DOP1A: variants seen among roughly 807,000 people sequenced by gnomAD.
DOP1A encodes DOP1 leucine zipper like protein A.
DOP1A carries 90 observed loss-of-function variants against 267.6 expected under a neutral mutation model. The ratio of observed to expected loss-of-function variants is 0.34; its 90% CI spans 0.28 to 0.40. The LOEUF is 0.40. DOP1A is among the 10% of genes least tolerant of loss of function. The pLI, the probability that DOP1A is intolerant of heterozygous loss-of-function variation, is 1.00. For missense variants in DOP1A, 2,437 were observed against 2,900.4 expected, an observed-to-expected ratio of 0.84 and a Z score of 3.67; for synonymous variants, 932 against 999.1, an observed-to-expected ratio of 0.93 and a Z score of 1.27.
rs766918613 is a variant in DOP1A at position 83,164,665 on chromosome 6, G to A, written c.7092+1746G>A. On this transcript the variant is annotated intron_variant, in intron 38 of 38. Transcript: ENST00000349129. Reference sequence around the variant, plus strand: ...TCTCCTCTTTCCTTCCACAGGACAAGGAGGAGGACTTTAAGACAGTGATTT... The same window carrying A: ...TCTCCTCTTTCCTTCCACAGGACAAAGAGGAGGACTTTAAGACAGTGATTT... The A allele has an allele frequency of 8.2e-6, 13 of 1,577,772 alleles. No homozygotes were observed. The South Asian group carries it at 1.3e-4, about 16-fold the overall frequency.
intron 25 of DOP1A, among the ~76,000 whole-genome samples, chr6:83,146,691 A>G (rs1459307598): frequency 6.6e-6 from 1 of 152,236 alleles, no homozygotes; most frequent in Non-Finnish European, 1.5e-5. Context: ...GTCAGTGGTC[A>G]TCAATATCAT....
At chr6:83,122,662 C>T (rs1776548068) in intron 11 of DOP1A, among the ~76,000 whole-genome samples, 2 of 151,728 alleles carry the variant, frequency 1.3e-5, no homozygotes, top group South Asian at 2.1e-4. Flanking sequence ...TGATGTTTGA[C>T]AAAAATTCAA....
chr6:83,070,838 C>A (rs1215408877), intron 1 of DOP1A, among the ~76,000 whole-genome samples: 1 of 152,098 alleles, frequency 6.6e-6, no homozygotes, highest in African/African-American at 2.4e-5. Flanking sequence ...TCCTCAACTT[C>A]AGTCTTTGTG....
intron 38 of DOP1A, chr6:83,166,147 TTTTA>T (rs1013925689): frequency 6.4e-6 from 3 of 467,580 alleles, no homozygotes; most frequent in African/African-American, 3.9e-5. Flanking sequence ...CAACGAATTT[TTTTA>T]TTTTTCACTC....
Position 83,152,136 on chromosome 6 carries a change from T to A in DOP1A, c.6049+109T>A, listed in dbSNP as rs918601263. On this transcript the variant is annotated intron_variant, in intron 29 of 38. Coordinates refer to ENST00000349129, the MANE Select transcript of DOP1A (RefSeq NM_015018.4). ...CCACAAATTTATCCCTTTTCTCATG[T>A]CTAACAAGTAACTTTTTTTCAGTGG... 3 of 1,298,176 alleles carry A rather than the reference T, an allele frequency of 2.3e-6. No individual in the cohort carries two copies. In the Admixed American group the frequency reaches 7.4e-5, roughly 32 times the overall value. The allele number at this position is 1,298,176 out of a possible 1,614,324, so 80.4% of individuals were successfully genotyped here. A position where few individuals can be genotyped will look rare whatever the true frequency, so the allele number is the denominator to read the frequency against.
Position 83,130,401 on chromosome 6 carries a change from A to C in DOP1A, c.2616+4A>C. ...TGAGAAGACTGAATTTTTCAAGGTA[A>C]ATTCTAAGAAATGCATATATGACTA... On this transcript the variant is annotated splice_donor_region_variant and intron_variant, in intron 17 of 38. Coordinates refer to ENST00000349129, the MANE Select transcript of DOP1A (RefSeq NM_015018.4). 6.2e-7 allele frequency: 1 copy of C among 1,608,644 alleles called. No individual in the cohort carries two copies. The highest frequency in any genetic ancestry group is 8.5e-7 in the Non-Finnish European group (1 of 1,177,496).
rs1250946201 is a variant in DOP1A at position 83,138,487 on chromosome 6, A to G, written c.4445A>G (p.Asn1482Ser). The G allele has an allele frequency of 1.2e-5, 20 of 1,613,296 alleles. No homozygotes were observed. The highest frequency in any genetic ancestry group is 4.0e-5 in the African/African-American group (3 of 74,918). Residue 1482 changes from asparagine to serine, a missense_variant, in exon 21 of 39, where the codon AAT becomes AGT. Physicochemically the swap from Asn to Ser is conservative, Grantham distance 46 (BLOSUM62 1). Transcript: ENST00000349129. ...GTTACTGCACAAGATTTAATAGGCAATCGAAACATGCAAATGATGAGCATA... is the reference window on the plus strand; with the variant it reads ...GTTACTGCACAAGATTTAATAGGCAGTCGAAACATGCAAATGATGAGCATA... ...VKVTAQDLIG[N>S]RNMQMMSIEI...
At position 83,118,198 on chromosome 6, in the gene DOP1A, CTTAAAA is replaced by C. The variant is rs1775776915; in HGVS notation, c.781-685_781-680del. 2.0e-5 allele frequency among the ~76,000 whole-genome samples: 3 copies of C among 152,184 alleles called. No individual in the cohort carries two copies. The South Asian group carries it at 6.2e-4, about 32-fold the overall frequency. On this transcript the variant is annotated intron_variant, in intron 7 of 38. Coordinates refer to ENST00000349129, the MANE Select transcript of DOP1A (RefSeq NM_015018.4). ...TGTAAAGTGATTATCTGGCAGTATT[CTTAAAA>C]TTAATAGCAAGTTAGTTGCTTTTCT...
chr6:83,165,308 G>A (rs1353121464), intron 38 of DOP1A: 1 of 152,430 alleles, frequency 6.6e-6, no homozygotes, highest in African/African-American at 2.4e-5. Context: ...TAATTGCTAG[G>A]AAGCAAACTT....
intron 4 of DOP1A, among the ~76,000 whole-genome samples, chr6:83,107,584 T>C (rs1426131600): frequency 6.6e-6 from 1 of 152,212 alleles, no homozygotes; most frequent in South Asian, 2.1e-4. Flanking sequence ...TTGGAAGAGA[T>C]AGACATTAAG....
rs562415168 is a variant in DOP1A at position 83,162,055 on chromosome 6, A to G, written c.6963-735A>G. Among the ~76,000 whole-genome samples, 5 of 152,188 alleles carry G rather than the reference A, an allele frequency of 3.3e-5. No individual in the cohort carries two copies. The East Asian group carries it at 7.7e-4, about 23-fold the overall frequency. On this transcript the variant is annotated intron_variant, in intron 37 of 38. Coordinates refer to ENST00000349129, the MANE Select transcript of DOP1A (RefSeq NM_015018.4). Reference sequence around the variant, plus strand: ...TATCAAAAATATATATCCTACATGTATAATTAAAACAGGCAGCAATCATGT... The same window carrying G: ...TATCAAAAATATATATCCTACATGTGTAATTAAAACAGGCAGCAATCATGT...
chr6:83,113,450 A>AT lies in DOP1A; in HGVS notation c.780+29_780+30insT, dbSNP rs774352483. On this transcript the variant is annotated intron_variant, in intron 7 of 38. Transcript: ENST00000349129. Reference sequence around the variant, plus strand: ...AAATATTAACGCCGATGTTATTATAAGGCATTCTTGGAAAACTGTAGATTG... The same window carrying AT: ...AAATATTAACGCCGATGTTATTATAATGGCATTCTTGGAAAACTGTAGATTG... The AT allele has an allele frequency of 7.0e-6, 11 of 1,568,542 alleles. No homozygotes were observed. The Admixed American group carries it at 1.7e-4, about 24-fold the overall frequency.
At position 83,138,423 on chromosome 6, in the gene DOP1A, T is replaced by C. The variant is rs1186870340; in HGVS notation, c.4381T>C (p.Leu1461=). 1.2e-6 allele frequency: 2 copies of C among 1,611,714 alleles called. No individual in the cohort carries two copies. Among genetic ancestry groups the C allele is most frequent in the Non-Finnish European group, 1.7e-6 (2 of 1,179,872 alleles). Reference sequence around the variant, plus strand: ...CATAGAAATTCTTATTTCTCTCTGCTTATATTACATGCGTAGCCATTACCC... The same window carrying C: ...CATAGAAATTCTTATTTCTCTCTGCCTATATTACATGCGTAGCCATTACCC... ...MYIEILISLC[L]YYMRSHYPTH... is the part of the protein sequence containing the mutation. The change falls in exon 21 of 39, where the codon TTA becomes CTA. Residue 1461 remains leucine, a synonymous_variant. Coordinates refer to ENST00000349129, the MANE Select transcript of DOP1A (RefSeq NM_015018.4).
intron 35 of DOP1A, 25 bp downstream of exon 35, chr6:83,157,343 G>A (rs1331022655): frequency 5.0e-6 from 8 of 1,606,888 alleles, no homozygotes; most frequent in African/African-American, 1.3e-5. Context: ...ATTCAGTCAG[G>A]TTATAAATCT....
At chr6:83,119,980 C>A (rs1217791493) in intron 9 of DOP1A, 123 bp downstream of exon 9, 6 of 655,226 alleles carry the variant, frequency 9.2e-6, no homozygotes, top group Non-Finnish European at 1.2e-5. Context: ...GACTTACAAA[C>A]TTCCCAAGAA....
chr6:83,099,329 T>C (rs6932099), intron 3 of DOP1A, among the ~76,000 whole-genome samples: 137,489 of 152,256 alleles, frequency 0.9, 62,100 homozygotes, highest in East Asian at 0.96. Flanking sequence ...TTCTCTTTGA[T>C]GTTAGAACTT....
intron 1 of DOP1A, among the ~76,000 whole-genome samples, chr6:83,079,384 G>A (rs1767688183): frequency 6.6e-6 from 1 of 151,958 alleles, no homozygotes; most frequent in South Asian, 2.1e-4. Flanking sequence ...AAAATTCCAT[G>A]GGATTTTTTT....
intron 38 of DOP1A, chr6:83,166,045 T>G: frequency 3.5e-6 from 1 of 282,248 alleles, no homozygotes; most frequent in South Asian, 6.1e-5. Context: ...TCGCCAGTTG[T>G]CGTATAAAAT....
In DOP1A at chr6:83,138,706, T is replaced by C. The variant is rs750790962; in HGVS notation, c.4664T>C (p.Val1555Ala). Reference protein sequence around the residue: ...EKMAGKNLVAVEEGFSEDSLI... With the variant: ...EKMAGKNLVAAEEGFSEDSLI... ...ATGGCAGGTAAGAACCTGGTTGCTG[T>C]GGAAGAAGGTTTCTCAGAGGACAGC... The change falls in exon 21 of 39, where the codon GTG becomes GCG. Residue 1555 changes from valine (V) to alanine (A), a missense_variant. Physicochemically the swap from Val to Ala is moderately conservative, Grantham distance 64. Around this residue, in one of 9 missense-constraint regions of DOP1A, gnomAD observed 878 missense variants for 992.9 expected, o/e 0.88. Coordinates refer to ENST00000349129, the MANE Select transcript of DOP1A (RefSeq NM_015018.4). 2 of 1,614,042 alleles carry C rather than the reference T, an allele frequency of 1.2e-6. No individual in the cohort carries two copies. The highest frequency in any genetic ancestry group is 1.7e-6 in the Non-Finnish European group (2 of 1,179,940).
Sources: allele counts gnomAD v4.1 joint callset (sites outside exome capture counted in the v4.1 genomes callset), GRCh38; gene constraint gnomAD v4.1.1; regional missense constraint gnomAD v4.1.1; transcripts MANE v1.5; gene names NCBI Gene and HGNC (gene_info 2026-07-23, HGNC 2026-07-21).